The following COL11A2 variants were observed in gnomAD, a reference collection of about 807,000 sequenced individuals.
COL11A2 encodes the protein collagen alpha-2(XI) chain.
In COL11A2, 116 loss-of-function variants were observed where a neutral mutation model predicts 273.4. The ratio of observed to expected loss-of-function variants is 0.42; its 90% CI spans 0.36 to 0.49. The LOEUF is 0.49. COL11A2 is among the 20% of genes least tolerant of loss of function. The probability of loss-of-function intolerance (pLI) is 0.00; values close to 1 mark genes in which losing one functional copy is unlikely to be tolerated. For missense variants in COL11A2, 1,866 were observed against 2,309.0 expected, an observed-to-expected ratio of 0.81 and a Z score of 3.93; for synonymous variants, 782 against 864.2, an observed-to-expected ratio of 0.90 and a Z score of 1.67.
chr6:33,174,091 G>C (rs11963700), intron 32 of COL11A2, 36 bp from the exon 33 acceptor site: 1 of 1,613,132 alleles, frequency 6.2e-7, no homozygotes, highest in African/African-American at 1.3e-5. Flanking sequence ...ATTACCCAGG[G>C]TGAGACTCCC....
In COL11A2 at chr6:33,169,761, AG is replaced by A. The variant is rs1461909614; in HGVS notation, c.3690+69del. 1.9e-6 allele frequency: 3 copies of A among 1,588,546 alleles called. No individual in the cohort carries two copies. The highest frequency in any genetic ancestry group is 1.7e-5 in the Admixed American group (1 of 59,958). On this transcript the variant is annotated intron_variant, in intron 50 of 65. Transcript: ENST00000341947. The surrounding 1 kb of genome is among the most constrained non-coding windows in gnomAD (Gnocchi z 5.5). ...AGGAGTTCCAGCTCAAGGAGGTCAC[AG>A]GAAAAGTGGAGGCAGGGTTGAGGCG...
rs973792292 is a variant in COL11A2 at position 33,176,533 on chromosome 6, C to A, written c.2116-47G>T. On this transcript the variant is annotated intron_variant, in intron 26 of 65. Coordinates refer to ENST00000341947, the MANE Select transcript of COL11A2 (RefSeq NM_080680.3). This position sits in a 1 kb window ranked among gnomAD's most constrained non-coding sequence, Gnocchi z 4.9. ...TTTATAAAGGGGCCTCAGAGTGTCA[C>A]TGTGGGGGCCTCCAGGGGTGGAAGA... 1 of 1,553,496 alleles carries A rather than the reference C, an allele frequency of 6.4e-7. No homozygotes were observed. Among genetic ancestry groups the A allele is most frequent in the African/African-American group, 1.4e-5 (1 of 73,452 alleles).
chr6:33,188,310 G>A (rs1772663658), intron 4 of COL11A2, 52 bp downstream of exon 4: 1 of 1,607,630 alleles, frequency 6.2e-7, no homozygotes, highest in Non-Finnish European at 8.5e-7. Flanking sequence ...AAGGGTAGTG[G>A]GCACAAGATA....
Position 33,180,307 on chromosome 6 carries a change from G to A in COL11A2, c.1310C>T (p.Pro437Leu). ...ERGPPGRAGL[P>L]GSDGAPGPPG... ...AGGACCAGGAGCCCCATCTGATCCAGGGAGCCCTGCTCGGCCAGGGGGGCC... is the reference window on the plus strand; with the variant it reads ...AGGACCAGGAGCCCCATCTGATCCAAGGAGCCCTGCTCGGCCAGGGGGGCC... Residue 437 changes from proline (P) to leucine (L), a missense_variant, in exon 12 of 66, where the codon CCT (proline) becomes CTT (leucine). Transcript: ENST00000341947. 1 of 1,612,952 alleles carries A rather than the reference G, an allele frequency of 6.2e-7. No homozygotes were observed. The highest frequency in any genetic ancestry group is 8.5e-7 in the Non-Finnish European group (1 of 1,180,038).
In COL11A2 at chr6:33,178,763, A is replaced by T. The variant is rs1296001528; in HGVS notation, c.1666-31T>A. The T allele has an allele frequency of 6.2e-7, 1 of 1,612,470 alleles. No individual in the cohort carries two copies. The highest frequency in any genetic ancestry group is 8.5e-7 in the Non-Finnish European group (1 of 1,179,652). On this transcript the variant is annotated intron_variant, in intron 17 of 65. Coordinates refer to ENST00000341947, the MANE Select transcript of COL11A2 (RefSeq NM_080680.3). The surrounding 1 kb of genome is among the most constrained non-coding windows in gnomAD (Gnocchi z 4.6). ...AGGAGGAAGGATAGCCAGAGTGAGG[A>T]CACGACCCTGTCCAAGCCCACCCCT...
rs2855438 is a variant in COL11A2 at position 33,171,062 on chromosome 6, A to T, written c.3366+52T>A. 224,960 of 1,573,624 alleles carry T rather than the reference A, an allele frequency of 0.14. 16,848 individuals are homozygous for T. Among genetic ancestry groups the T allele is most frequent in the South Asian group, 0.2 (17,127 of 87,630 alleles). On this transcript the variant is annotated intron_variant, in intron 45 of 65. Transcript: ENST00000341947. ...CAGCCACAAGGGCAGAGGGGAGCTG[A>T]GGGAGGACCAGAGGCTGCTGGGCCT...
chr6:33,168,538 G>A lies in COL11A2; in HGVS notation c.3941C>T (p.Pro1314Leu), dbSNP rs1249434113. 3 of 1,613,504 alleles carry A rather than the reference G, an allele frequency of 1.9e-6. No homozygotes were observed. Among genetic ancestry groups the A allele is most frequent in the Non-Finnish European group, 2.5e-6 (3 of 1,179,928 alleles). ...SPGPTGENGP[P>L]GPLGKRGPAG... is the part of the protein sequence containing the mutation. Reference sequence around the variant, plus strand: ...ACTTACTCGCTTTCCAAGTGGCCCTGGGGGTCCATTCTCCCCGGTGGGACC... The same window carrying A: ...ACTTACTCGCTTTCCAAGTGGCCCTAGGGGTCCATTCTCCCCGGTGGGACC... The change falls in exon 54 of 66, where the codon CCA becomes CTA. Residue 1314 changes from proline to leucine, a missense_variant. Coordinates refer to ENST00000341947, the MANE Select transcript of COL11A2 (RefSeq NM_080680.3).
At position 33,177,939 on chromosome 6, in the gene COL11A2, C is replaced by T. The variant is rs1771153190; in HGVS notation, c.1872+193G>A. On this transcript the variant is annotated intron_variant, in intron 21 of 65. Transcript: ENST00000341947. The surrounding 1 kb of genome is among the most constrained non-coding windows in gnomAD (Gnocchi z 5.9). ...TCCTATGCCCAGAGCCCTCAGGGCA[C>T]CACGCCACATGGCCCTCCCTGTGCA... is the stretch of plus-strand genomic sequence containing the variant. The T allele has an allele frequency of 1.3e-6, 1 of 771,412 alleles. No individual in the cohort carries two copies. The allele number at this position is 771,412 out of a possible 1,614,324, so 47.8% of individuals were successfully genotyped here.
chr6:33,180,150 A>T, intron 12 of COL11A2, 108 bp downstream of exon 12: 1 of 1,167,818 alleles, frequency 8.6e-7, no homozygotes, highest in Non-Finnish European at 1.3e-6. Context: ...ATCTTTGATG[A>T]TCTTTAGAGA....
intron 8 of COL11A2, among the ~76,000 whole-genome samples, chr6:33,181,407 C>T (rs911193906): frequency 3.2e-4 from 48 of 152,330 alleles, no homozygotes; most frequent in African/African-American, 9.9e-4. Context: ...CAAACACAAC[C>T]TCTCCATCTC....
intron 11 of COL11A2, 144 bp from the exon 12 acceptor site, chr6:33,180,476 T>C: frequency 2.1e-6 from 2 of 940,742 alleles, no homozygotes; most frequent in Admixed American, 2.4e-5. Flanking sequence ...ATGGGGAAAA[T>C]TGAGGGTGAG....
rs2150544006 is a variant in COL11A2, at chr6:33,170,959, G to A, written c.3367-42C>T. 1 of 1,517,570 alleles carries A rather than the reference G, an allele frequency of 6.6e-7. No homozygotes were observed. Among genetic ancestry groups the A allele is most frequent in the Non-Finnish European group, 8.8e-7 (1 of 1,137,874 alleles). The allele number at this position is 1,517,570 out of a possible 1,614,324, so 94.0% of individuals were successfully genotyped here. A position where few individuals can be genotyped will look rare whatever the true frequency, so the allele number is the denominator to read the frequency against. On this transcript the variant is annotated intron_variant, in intron 45 of 65. Coordinates refer to ENST00000341947, the MANE Select transcript of COL11A2 (RefSeq NM_080680.3). The surrounding 1 kb of genome is among the most constrained non-coding windows in gnomAD (Gnocchi z 4.3). ...AAGCAGAGACAAGGACACAGGGATGGGTCATGGGTCAGGTGTTCTCTATCC... is the reference window on the plus strand; with the variant it reads ...AAGCAGAGACAAGGACACAGGGATGAGTCATGGGTCAGGTGTTCTCTATCC...
At chr6:33,188,089 G>A (rs1211448147) in intron 4 of COL11A2, among the ~76,000 whole-genome samples, 7 of 151,966 alleles carry the variant, frequency 4.6e-5, no homozygotes, top group African/African-American at 1.7e-4. Context: ...ATGGGTGGGT[G>A]AGGAGAGAGA....
chr6:33,191,824 A>G (rs1773146395), intron 1 of COL11A2, among the ~76,000 whole-genome samples: 1 of 152,196 alleles, frequency 6.6e-6, no homozygotes, highest in African/African-American at 2.4e-5. Context: ...GGCGTCTACC[A>G]TCCCCACACC....
At chr6:33,186,043 G>A (rs975936630) in intron 5 of COL11A2, among the ~76,000 whole-genome samples, 7 of 151,810 alleles carry the variant, frequency 4.6e-5, no homozygotes, top group Admixed American at 2.6e-4. Flanking sequence ...TTAGACCACT[G>A]ACCCCAGAGC....
At position 33,164,825 on chromosome 6, in the gene COL11A2, G is replaced by A; in HGVS notation, c.4863+27C>T. On this transcript the variant is annotated intron_variant, in intron 64 of 65. Coordinates refer to ENST00000341947, the MANE Select transcript of COL11A2 (RefSeq NM_080680.3). This position sits in a 1 kb window ranked among gnomAD's most constrained non-coding sequence, Gnocchi z 4.7. ...TGAGGGGGTGCACTATGGGGCAGGG[G>A]AGGGGCAGCGAGGGGCCAGCTCTCA... 2.6e-6 allele frequency: 4 copies of A among 1,538,460 alleles called. No homozygotes were observed. Among genetic ancestry groups the A allele is most frequent in the East Asian group, 2.4e-5 (1 of 40,906 alleles).
In COL11A2 at chr6:33,173,267, C is replaced by T. The variant is rs1342856127; in HGVS notation, c.2736+81G>A. The T allele has an allele frequency of 6.3e-7, 1 of 1,580,926 alleles. No individual in the cohort carries two copies. The highest frequency in any genetic ancestry group is 1.3e-5 in the African/African-American group (1 of 74,396). On this transcript the variant is annotated intron_variant, in intron 37 of 65. Coordinates refer to ENST00000341947, the MANE Select transcript of COL11A2 (RefSeq NM_080680.3). This position sits in a 1 kb window ranked among gnomAD's most constrained non-coding sequence, Gnocchi z 6.3. ...GGCTCCACTCTGCCAGGAGAACGTC[C>T]CTGTGGGCTTTCCAGACAGCTCTGG... is the stretch of plus-strand genomic sequence containing the variant.
At chr6:33,172,710 C>T in intron 38 of COL11A2, 73 bp from the exon 39 acceptor site, 1 of 1,341,108 alleles carries the variant, frequency 7.5e-7, no homozygotes. Flanking sequence ...CCCACCCTGG[C>T]CACCCTAAAA....
chr6:33,174,384 TC>T (rs1433386252), intron 31 of COL11A2, 142 bp downstream of exon 31: 1 of 1,370,310 alleles, frequency 7.3e-7, no homozygotes, highest in Non-Finnish European at 1.0e-6. Context: ...TGGGCCTCTT[TC>T]GGTCATCTGT....
Sources: allele counts gnomAD v4.1 joint callset (sites outside exome capture counted in the v4.1 genomes callset), GRCh38; gene constraint gnomAD v4.1.1; non-coding constraint Gnocchi (gnomAD v3.1); transcripts MANE v1.5; gene names NCBI Gene and HGNC (gene_info 2026-07-23, HGNC 2026-07-21).